Variants in OS9 observed in about 807,000 individuals in gnomAD.
OS9 encodes the protein OS9 endoplasmic reticulum lectin.
In OS9, 58 loss-of-function variants were observed where a neutral mutation model predicts 84.7. The ratio of observed to expected loss-of-function variants is 0.68; its 90% CI spans 0.55 to 0.85. OS9 has a LOEUF of 0.85. Among genes scored for constraint, OS9 ranks in the 40% least tolerant of loss-of-function variants. The pLI is 0.00. For synonymous variants in OS9, 278 were observed against 320.8 expected (o/e 0.87, Z 1.43); for missense variants, 760 against 850.9 (o/e 0.89, Z 1.33).
At chr12:57,700,208 AGAGG>A (rs1444768195) in intron 5 of OS9, among the ~76,000 whole-genome samples, 5 of 151,450 alleles carry the variant, frequency 3.3e-5, no homozygotes, top group Non-Finnish European at 5.9e-5. Context: ...GGGGGTTGAG[AGAGG>A]GGGCATTCTG....
chr12:57,694,709 T>G, intron 1 of OS9, 41 bp from the exon 2 acceptor site: 1 of 1,604,128 alleles, frequency 6.2e-7, no homozygotes. Context: ...ATCCCAGCCT[T>G]TCTTTGCTTC....
chr12:57,715,139 G>C (rs1341963524), intron 5 of OS9, among the ~76,000 whole-genome samples: 6 of 152,144 alleles, frequency 3.9e-5, no homozygotes, highest in Non-Finnish European at 8.8e-5. Context: ...CAAGGTGGGT[G>C]GATCACCTGA....
intron 5 of OS9, among the ~76,000 whole-genome samples, chr12:57,698,014 A>G (rs533216262): frequency 2.4e-4 from 37 of 151,884 alleles, no homozygotes; most frequent in Admixed American, 1.0e-3. Flanking sequence ...TGCATTCTTC[A>G]AAGCATGTAT....
intron 5 of OS9, among the ~76,000 whole-genome samples, chr12:57,706,737 T>C (rs533877570): frequency 2.7e-5 from 4 of 150,928 alleles, no homozygotes; most frequent in African/African-American, 9.7e-5. Context: ...TAGTCCCAGT[T>C]ACTTGGGAGG....
At chr12:57,697,927 A>ATAAG (rs1565767158) in intron 5 of OS9, among the ~76,000 whole-genome samples, 47 of 79,478 alleles carry the variant, frequency 5.9e-4, no homozygotes, top group Non-Finnish European at 1.0e-3. Flanking sequence ...ACACACATAC[A>ATAAG]CACACACACA....
intron 5 of OS9, among the ~76,000 whole-genome samples, chr12:57,697,928 C>A (rs1240847363): frequency 0.036 from 2,566 of 71,180 alleles, 50 homozygotes; most frequent in East Asian, 0.057. Context: ...CACACATACA[C>A]ACACACACAC....
chr12:57,697,365 A>C lies in OS9; in HGVS notation c.579+992A>C, dbSNP rs145126588. Among the ~76,000 whole-genome samples, 389 of 152,348 alleles carry C rather than the reference A, an allele frequency of 2.6e-3. 1 individual carries two copies. Among genetic ancestry groups the C allele is most frequent in the African/African-American group, 9.0e-3 (374 of 41,584 alleles). ...TGCCTTGCACAAAGGCTAAGAGCCA[A>C]ATGTTTCAGCACAGACCAGGGTGGT... On this transcript the variant is annotated intron_variant, in intron 5 of 14. Transcript: ENST00000315970.
rs376746758 is a variant in OS9 at position 57,704,334 on chromosome 12, C to T, written c.579+7961C>T. Among the ~76,000 whole-genome samples the T allele has an allele frequency of 2.0e-3, 307 of 152,036 alleles. 7 individuals carry two copies. The South Asian group carries it at 0.062, about 31-fold the overall frequency. On this transcript the variant is annotated intron_variant, in intron 5 of 14. Transcript: ENST00000315970. ...GGTGGATCATCTGAGGTCAGGAGTT[C>T]GAGACCAGCCTGGCCAACATGGTGA... is the stretch of plus-strand genomic sequence containing the variant.
intron 12 of OS9, 193 bp downstream of exon 12, chr12:57,719,375 C>T (rs799267): frequency 0.39 from 232,300 of 591,218 alleles, 48,036 homozygotes; most frequent in Middle Eastern, 0.52. Context: ...CCTATTCATC[C>T]CTCTGGGAAG....
Position 57,720,200 on chromosome 12 carries a change from C to A in OS9, c.1702C>A (p.Gln568Lys). 8 of 1,614,232 alleles carry A rather than the reference C, an allele frequency of 5.0e-6. No homozygotes were observed. The highest frequency in any genetic ancestry group is 1.3e-5 in the African/African-American group (1 of 75,068). ...TVLEMKRENP[Q>K]LKQIEGLVKE... Reference sequence around the variant, plus strand: ...CCTCGAGATGAAACGGGAAAACCCACAGCTGAAACAAATCGAGGGGCTGGT... The same window carrying A: ...CCTCGAGATGAAACGGGAAAACCCAAAGCTGAAACAAATCGAGGGGCTGGT... Residue 568 changes from glutamine (Q) to lysine (K), a missense_variant, in exon 13 of 15, where the codon CAG becomes AAG. Physicochemically the swap from Gln to Lys is moderately conservative, Grantham distance 53. Transcript: ENST00000315970.
At chr12:57,701,201 T>C (rs764352214) in intron 5 of OS9, among the ~76,000 whole-genome samples, 1 of 151,990 alleles carries the variant, frequency 6.6e-6, no homozygotes, top group Non-Finnish European at 1.5e-5. Flanking sequence ...TATCAACTTG[T>C]TTTTTTCACT....
In OS9 at chr12:57,694,828, C is replaced by G. The variant is rs1316895641; in HGVS notation, c.241C>G (p.His81Asp). 3 of 1,613,924 alleles carry G rather than the reference C, an allele frequency of 1.9e-6. No individual in the cohort carries two copies. The highest frequency in any genetic ancestry group is 2.5e-6 in the Non-Finnish European group (3 of 1,179,814). ...GTGTCGCCTGCCAGCTGGAGCTATT[C>G]ACTTCCAGCGTGAAAGGGAGGAGGA... is the stretch of plus-strand genomic sequence containing the variant. ...YECRLPAGAIHFQREREEETP... is the reference protein window; with the variant it reads ...YECRLPAGAIDFQREREEETP... Residue 81 changes from histidine to aspartate, a missense_variant, in exon 2 of 15, where the codon CAC becomes GAC. By Grantham distance (81) the His-to-Asp change is moderately conservative. Coordinates refer to ENST00000315970, the MANE Select transcript of OS9 (RefSeq NM_006812.4).
chr12:57,697,894 A>G, intron 5 of OS9, among the ~76,000 whole-genome samples: 1 of 45,710 alleles, frequency 2.2e-5, no homozygotes, highest in African/African-American at 7.0e-5. Context: ...CACACACGGA[A>G]CCTAACATAA....
chr12:57,703,869 C>T (rs1954092820), intron 5 of OS9, among the ~76,000 whole-genome samples: 1 of 152,076 alleles, frequency 6.6e-6, no homozygotes, highest in Admixed American at 6.6e-5. Context: ...AAAAGAATGG[C>T]TGTCCTTGTC....
In OS9 at chr12:57,695,998, A is replaced by T. The variant is rs747401178; in HGVS notation, c.440A>T (p.Tyr147Phe). 1.9e-6 allele frequency: 3 copies of T among 1,613,596 alleles called. No individual in the cohort carries two copies. The highest frequency in any genetic ancestry group is 2.7e-5 in the African/African-American group (2 of 74,912). ...AAAGGTGAAGTCCTCTATCTCGGCT[A>T]CTACCAATCAGCCTTCGACTGGGAT... is the stretch of plus-strand genomic sequence containing the variant. ...EIKGEVLYLGYYQSAFDWDDE... is the reference protein window; with the variant it reads ...EIKGEVLYLGFYQSAFDWDDE... Residue 147 changes from tyrosine to phenylalanine, a missense_variant, in exon 4 of 15, where the codon TAC (tyrosine) becomes TTC (phenylalanine). Physicochemically the swap from Tyr to Phe is conservative, Grantham distance 22. Coordinates refer to ENST00000315970, the MANE Select transcript of OS9 (RefSeq NM_006812.4).
intron 5 of OS9, among the ~76,000 whole-genome samples, chr12:57,711,276 T>C (rs2140319010): frequency 6.6e-6 from 1 of 151,390 alleles, no homozygotes; most frequent in East Asian, 1.9e-4. Flanking sequence ...CACACTGTTC[T>C]ATACCTTGCT....
chr12:57,709,384 G>A (rs987494760), intron 5 of OS9, among the ~76,000 whole-genome samples: 3 of 152,066 alleles, frequency 2.0e-5, no homozygotes, highest in Admixed American at 6.5e-5. Context: ...TGGTTTCTAC[G>A]TGCTTCTGAA....
chr12:57,704,745 T>A (rs966267420), intron 5 of OS9, among the ~76,000 whole-genome samples: 2 of 152,222 alleles, frequency 1.3e-5, no homozygotes, highest in South Asian at 2.1e-4. Context: ...GAATTTTAAT[T>A]TAAAAAATTT....
At chr12:57,702,843 T>G (rs1245933077) in intron 5 of OS9, among the ~76,000 whole-genome samples, 1 of 152,228 alleles carries the variant, frequency 6.6e-6, no homozygotes, top group African/African-American at 2.4e-5. Context: ...ATTAATGATG[T>G]TGAACATCTT....
Sources: allele counts gnomAD v4.1 joint callset (sites outside exome capture counted in the v4.1 genomes callset), GRCh38; gene constraint gnomAD v4.1.1; transcripts MANE v1.5; gene names NCBI Gene and HGNC (gene_info 2026-07-23, HGNC 2026-07-21).